The following SPHK2 variants were observed in gnomAD, a reference collection of about 807,000 sequenced individuals.
The protein encoded by SPHK2 is sphingosine kinase 2.
A neutral mutation model predicts 32.3 loss-of-function variants in SPHK2; 18 were observed. The observed-to-expected ratio is 0.56, with a 90% confidence interval of 0.39 to 0.83. The LOEUF is 0.83. Among genes scored for constraint, SPHK2 ranks in the 40% least tolerant of loss-of-function variants. The probability of loss-of-function intolerance (pLI) is 0.00; values close to 1 mark genes in which losing one functional copy is unlikely to be tolerated. For missense variants in SPHK2, 850 were observed against 908.7 expected, an observed-to-expected ratio of 0.94 and a Z score of 0.83; for synonymous variants, 462 against 417.6, an observed-to-expected ratio of 1.11 and a Z score of -1.30.
rs771251683 is a variant in SPHK2, at chr19:48,626,291, G to C, written c.440G>C (p.Arg147Pro). 1 of 1,594,840 alleles carries C rather than the reference G, an allele frequency of 6.3e-7. No homozygotes were observed. The highest frequency in any genetic ancestry group is 1.3e-5 in the African/African-American group (1 of 74,862). ...GGGGCCGCCACCTACGAAGAGAACCGTGCCGAGGCCCAGCGCTGGGCCACT... is the reference window on the plus strand; with the variant it reads ...GGGGCCGCCACCTACGAAGAGAACCCTGCCGAGGCCCAGCGCTGGGCCACT... ...ADGAATYEEN[R>P]AEAQRWATAL... is the part of the protein sequence containing the mutation. The change falls in exon 3 of 7, where the codon CGT (arginine) becomes CCT (proline). Residue 147 changes from arginine (R) to proline (P), a missense_variant. By Grantham distance (103) the Arg-to-Pro change is moderately radical (BLOSUM62 -2). Around this residue, in one of 2 missense-constraint regions of SPHK2, gnomAD observed 544 missense variants for 640.0 expected, o/e 0.85. Transcript: ENST00000245222.
chr19:48,621,217 T>TTACAGC (rs1377115171), intron 2 of SPHK2, among the ~76,000 whole-genome samples: 1 of 152,080 alleles, frequency 6.6e-6, no homozygotes, highest in African/African-American at 2.4e-5. Flanking sequence ...GTAGCTGGGA[T>TTACAGC]TACAGGCATG....
chr19:48,622,503 C>T (rs2147671978), intron 2 of SPHK2, among the ~76,000 whole-genome samples: 1 of 152,180 alleles, frequency 6.6e-6, no homozygotes, highest in East Asian at 1.9e-4. Context: ...TCCTTTTCCT[C>T]CTCCCTGTCC....
At chr19:48,627,878 C>T in intron 4 of SPHK2, 37 bp downstream of exon 4, 3 of 1,594,052 alleles carry the variant, frequency 1.9e-6, no homozygotes, top group Non-Finnish European at 2.6e-6. Context: ...GGGGCTGGGA[C>T]AGCTGAGTCC....
chr19:48,629,270 G>A lies in SPHK2; in HGVS notation c.1462G>A (p.Glu488Lys), dbSNP rs548889828. 2.3e-5 allele frequency: 37 copies of A among 1,613,490 alleles called. No individual in the cohort carries two copies. Among genetic ancestry groups the A allele is most frequent in the Non-Finnish European group, 2.9e-5 (34 of 1,179,980 alleles). Residue 488 changes from glutamate to lysine, a missense_variant, in exon 7 of 7, where the codon GAA (glutamate) becomes AAA (lysine). Transcript: ENST00000245222. ...PKAALHSPVS[E>K]GAPVIPPSSG... Reference sequence around the variant, plus strand: ...GGCAGCTCTACACTCACCCGTCTCCGAAGGGGCCCCCGTAATTCCCCCATC... The same window carrying A: ...GGCAGCTCTACACTCACCCGTCTCCAAAGGGGCCCCCGTAATTCCCCCATC...
In SPHK2 at chr19:48,629,799, G is replaced by C; in HGVS notation, c.*26G>C. ...AACTAAACAAGCTTGGTACCCGCCG[G>C]GGGCGGGGCCTACATTCCAATGGGG... On this transcript the variant is annotated 3_prime_UTR_variant, in exon 7 of 7. Transcript: ENST00000245222. The C allele has an allele frequency of 6.5e-7, 1 of 1,532,974 alleles. No individual in the cohort carries two copies. The highest frequency in any genetic ancestry group is 8.8e-7 in the Non-Finnish European group (1 of 1,138,446). 95.0% of individuals were successfully genotyped at this position (1,532,974 alleles called of 1,614,324 possible).
chr19:48,626,243 C>T lies in SPHK2; in HGVS notation c.392C>T (p.Ala131Val). 1.3e-6 allele frequency: 2 copies of T among 1,595,700 alleles called. No individual in the cohort carries two copies. Among genetic ancestry groups the T allele is most frequent in the Non-Finnish European group, 1.7e-6 (2 of 1,177,686 alleles). Residue 131 changes from alanine (A) to valine (V), a missense_variant, in exon 3 of 7, where the codon GCC becomes GTC. Ala to Val is a moderately conservative substitution (Grantham distance 64). Around this residue, in one of 2 missense-constraint regions of SPHK2, gnomAD observed 544 missense variants for 640.0 expected, o/e 0.85. Transcript: ENST00000245222. ...PRGRRGARRRATRTFRADGAA... is the reference protein window; with the variant it reads ...PRGRRGARRRVTRTFRADGAA... ...GGCCGGCGCGGGGCCCGGCGCAGAG[C>T]CACTCGCACCTTCCGGGCAGATGGG...
intron 2 of SPHK2, chr19:48,623,195 G>C (rs1328929443): frequency 3.3e-5 from 5 of 149,920 alleles, no homozygotes; most frequent in African/African-American, 1.2e-4. Context: ...AGCCTAGATC[G>C]TGCCGCTGCA....
Position 48,629,947 on chromosome 19 carries a change from C to A in SPHK2, c.*174C>A, listed in dbSNP as rs1223582448. 12 of 1,416,908 alleles carry A rather than the reference C, an allele frequency of 8.5e-6. No homozygotes were observed. The highest frequency in any genetic ancestry group is 1.0e-5 in the Non-Finnish European group (11 of 1,089,494). 87.8% of individuals were successfully genotyped at this position (1,416,908 alleles called of 1,614,324 possible). On this transcript the variant is annotated 3_prime_UTR_variant, in exon 7 of 7. Transcript: ENST00000245222. ...CGTGATGCTGGAAGGTGGGCGTCGT[C>A]ACGGTTAAAGAGAAATGGGCTCGTC...
intron 3 of SPHK2, among the ~76,000 whole-genome samples, chr19:48,627,188 G>C (rs946493748): frequency 2.0e-5 from 3 of 152,208 alleles, no homozygotes; most frequent in African/African-American, 7.2e-5. Context: ...TACATCTGCT[G>C]TTCTCTTGCT....
At chr19:48,620,356 T>C in intron 1 of SPHK2, 46 bp from the exon 2 acceptor site, 1 of 573,726 alleles carries the variant, frequency 1.7e-6, no homozygotes. Flanking sequence ...AAGGGCCTCC[T>C]GCAGTTGGCT....
Position 48,620,443 on chromosome 19 carries a change from T to C in SPHK2, c.-72T>C. On this transcript the variant is annotated 5_prime_UTR_variant, in exon 2 of 7. Coordinates refer to ENST00000245222, the MANE Select transcript of SPHK2 (RefSeq NM_020126.5). ...AGGACAGTGAGACCTGACTCCTTGC[T>C]CCTACCAGCCTACTATGGCTTAAGA... 1 of 1,416,802 alleles carries C rather than the reference T, an allele frequency of 7.1e-7. No individual in the cohort carries two copies. Among genetic ancestry groups the C allele is most frequent in the Non-Finnish European group, 9.8e-7 (1 of 1,015,260 alleles). 87.8% of individuals were successfully genotyped at this position (1,416,802 alleles called of 1,614,324 possible).
At position 48,625,413 on chromosome 19, in the gene SPHK2, G is replaced by A. The variant is rs3760811; in HGVS notation, c.40-478G>A. The A allele has an allele frequency of 5.9e-6, 7 of 1,178,302 alleles. No individual in the cohort carries two copies. In the South Asian group the frequency reaches 9.6e-5, roughly 16 times the overall value. 73.0% of individuals were successfully genotyped at this position (1,178,302 alleles called of 1,614,324 possible). A position where few individuals can be genotyped will look rare whatever the true frequency, so the allele number is the denominator to read the frequency against. ...GCACCGTATGGGGGGTGGGGGTGTC[G>A]GGGAGGTGTGTCTTTCAGTCTTTGC... On this transcript the variant is annotated intron_variant, in intron 2 of 6. Coordinates refer to ENST00000245222, the MANE Select transcript of SPHK2 (RefSeq NM_020126.5).
rs1334525613 is a variant in SPHK2, at chr19:48,627,778, T to A, written c.598T>A (p.Cys200Ser). The A allele has an allele frequency of 6.2e-7, 1 of 1,613,696 alleles. No individual in the cohort carries two copies. Among genetic ancestry groups the A allele is most frequent in the Non-Finnish European group, 8.5e-7 (1 of 1,179,902 alleles). The change falls in exon 4 of 7, where the codon TGT becomes AGT. Residue 200 changes from cysteine to serine, a missense_variant. By Grantham distance (112) the Cys-to-Ser change is moderately radical. This residue lies in a region of SPHK2 where 544 missense variants were observed against 640.0 expected (regional missense o/e 0.85). Coordinates refer to ENST00000245222, the MANE Select transcript of SPHK2 (RefSeq NM_020126.5). ...FGGRGLAWQW[C>S]KNHVLPMISE... ...GGGTCGGGGCCTGGCCTGGCAGTGG[T>A]GTAAGAACCACGTGCTTCCCATGAT... is the stretch of plus-strand genomic sequence containing the variant.
At position 48,626,310 on chromosome 19, in the gene SPHK2, G is replaced by A. The variant is rs1974622034; in HGVS notation, c.459G>A (p.Trp153Ter). 6.3e-7 allele frequency: 1 copy of A among 1,595,144 alleles called. No individual in the cohort carries two copies. The highest frequency in any genetic ancestry group is 1.3e-5 in the African/African-American group (1 of 74,860). Residue 153 changes from tryptophan to a stop codon, truncating the protein, a stop_gained, in exon 3 of 7, where the codon TGG (tryptophan) becomes TGA (stop). Coordinates refer to ENST00000245222, the MANE Select transcript of SPHK2 (RefSeq NM_020126.5). LOFTEE classifies it high-confidence loss of function. ...AGAACCGTGCCGAGGCCCAGCGCTGGGCCACTGCCCTCACCTGTCTGCTCC... is the reference window on the plus strand; with the variant it reads ...AGAACCGTGCCGAGGCCCAGCGCTGAGCCACTGCCCTCACCTGTCTGCTCC... ...YEENRAEAQR[W>*]ATALTCLLRG...
Position 48,620,435 on chromosome 19 carries a change from C to A in SPHK2, c.-80C>A. ...GTCAGGCCAGGACAGTGAGACCTGACTCCTTGCTCCTACCAGCCTACTATG... is the reference window on the plus strand; with the variant it reads ...GTCAGGCCAGGACAGTGAGACCTGAATCCTTGCTCCTACCAGCCTACTATG... On this transcript the variant is annotated 5_prime_UTR_variant, in exon 2 of 7. Transcript: ENST00000245222. The A allele has an allele frequency of 7.6e-7, 1 of 1,308,842 alleles. No individual in the cohort carries two copies. The allele number at this position is 1,308,842 out of a possible 1,614,324, so 81.1% of individuals were successfully genotyped here. A position where few individuals can be genotyped will look rare whatever the true frequency, so the allele number is the denominator to read the frequency against.
Position 48,629,605 on chromosome 19 carries a change from G to T in SPHK2, c.1797G>T (p.Gln599His), listed in dbSNP as rs377128288. ...GCCACTTCAGCCTGGGCTGTCCGCAGCTGGGCTACGCCGCGGCCCGTGCCT... is the reference window on the plus strand; with the variant it reads ...GCCACTTCAGCCTGGGCTGTCCGCATCTGGGCTACGCCGCGGCCCGTGCCT... ...RGSHFSLGCPQLGYAAARAFR... is the reference protein window; with the variant it reads ...RGSHFSLGCPHLGYAAARAFR... Residue 599 changes from glutamine to histidine, a missense_variant, in exon 7 of 7, where the codon CAG becomes CAT. Physicochemically the swap from Gln to His is conservative, Grantham distance 24. Coordinates refer to ENST00000245222, the MANE Select transcript of SPHK2 (RefSeq NM_020126.5). 5.6e-6 allele frequency: 9 copies of T among 1,598,824 alleles called. No individual in the cohort carries two copies. The African/African-American group carries it at 9.4e-5, about 17-fold the overall frequency.
Position 48,626,313 on chromosome 19 carries a change from C to T in SPHK2, c.462C>T (p.Ala154=), listed in dbSNP as rs1342831934. Residue 154 remains alanine, a synonymous_variant, in exon 3 of 7, where the codon GCC becomes GCT. Transcript: ENST00000245222. The part of the protein sequence containing the change: ...EENRAEAQRW[A]TALTCLLRGL... ...ACCGTGCCGAGGCCCAGCGCTGGGC[C>T]ACTGCCCTCACCTGTCTGCTCCGAG... 1 of 1,595,902 alleles carries T rather than the reference C, an allele frequency of 6.3e-7. No homozygotes were observed. Among genetic ancestry groups the T allele is most frequent in the Non-Finnish European group, 8.5e-7 (1 of 1,178,674 alleles).
At chr19:48,627,450 T>C (rs2030013630) in intron 3 of SPHK2, among the ~76,000 whole-genome samples, 1 of 152,230 alleles carries the variant, frequency 6.6e-6, no homozygotes, top group South Asian at 2.1e-4. Context: ...GAACCACAGC[T>C]CTGAACTACA....
rs577386352 is a variant in SPHK2, at chr19:48,623,239, CA to C, written c.40-2633del. 627 of 83,926 alleles carry C rather than the reference CA, an allele frequency of 7.5e-3. 16 individuals are homozygous for C. In the East Asian group the frequency reaches 0.097, roughly 13 times the overall value. The allele number at this position is 83,926 out of a possible 1,614,324, so 5.2% of individuals were successfully genotyped here. A position where few individuals can be genotyped will look rare whatever the true frequency, so the allele number is the denominator to read the frequency against. On this transcript the variant is annotated intron_variant, in intron 2 of 6. Coordinates refer to ENST00000245222, the MANE Select transcript of SPHK2 (RefSeq NM_020126.5). ...TGGGTGACAGAGCCAGACTCCATCT[CA>C]AAAAAAAAAAAAAAAAAAGAGAGAG...
Sources: allele counts gnomAD v4.1 joint callset (sites outside exome capture counted in the v4.1 genomes callset), GRCh38; gene constraint gnomAD v4.1.1; regional missense constraint gnomAD v4.1.1; transcripts MANE v1.5; gene names NCBI Gene and HGNC (gene_info 2026-07-23, HGNC 2026-07-21).